The following SBF2 variants were observed in gnomAD, a reference collection of about 807,000 sequenced individuals.
The protein encoded by SBF2 is myotubularin-related protein 13.
A neutral mutation model predicts 225.2 loss-of-function variants in SBF2; 112 were observed. The ratio of observed to expected loss-of-function variants is 0.50; its 90% confidence interval spans 0.43 to 0.58. The LOEUF is 0.58. Among genes scored for constraint, SBF2 ranks in the 20% least tolerant of loss-of-function variants. The pLI, the probability that SBF2 is intolerant of heterozygous loss-of-function variation, is 0.00. For missense variants in SBF2, 1,996 were observed against 2,206.2 expected (o/e 0.90, Z 1.91); for synonymous variants, 763 against 773.3 (o/e 0.99, Z 0.22).
chr11:10,181,209 G>A (rs1956722460), intron 2 of SBF2, among the ~76,000 whole-genome samples: 1 of 151,974 alleles, frequency 6.6e-6, no homozygotes, highest in Non-Finnish European at 1.5e-5. Flanking sequence ...ACTACTAGCA[G>A]AATAGTTTTA....
chr11:10,182,595 C>A (rs1956778279), intron 2 of SBF2, among the ~76,000 whole-genome samples: 1 of 151,960 alleles, frequency 6.6e-6, no homozygotes, highest in African/African-American at 2.4e-5. Flanking sequence ...ACTCTGTCAC[C>A]CAGGCTGGAA....
At chr11:10,237,676 C>T (rs181703979) in intron 1 of SBF2, among the ~76,000 whole-genome samples, 3 of 152,332 alleles carry the variant, frequency 2.0e-5, no homozygotes, top group Admixed American at 1.3e-4. Flanking sequence ...TGTATATACA[C>T]TGGTGAAACC....
rs1236982889 is a variant in SBF2, at chr11:10,002,594, T to C, written c.715A>G (p.Arg239Gly). The change falls in exon 7 of 40, where the codon AGA becomes GGA. Residue 239 changes from arginine (R) to glycine (G), a missense_variant. Arg to Gly is a moderately radical substitution (Grantham distance 125). Transcript: ENST00000256190. ...GGAAACATTAAAGATTCCAGGGCTC[T>C]ACAAGCATCACTAAGTCTCTGGAAA... ...ASFQRLSDAC[R>G]ALESLMFPLK... 2 of 1,613,016 alleles carry C rather than the reference T, an allele frequency of 1.2e-6. No homozygotes were observed. Among genetic ancestry groups the C allele is most frequent in the South Asian group, 1.1e-5 (1 of 91,066 alleles).
chr11:10,027,509 A>AT (rs1339036217), intron 6 of SBF2, among the ~76,000 whole-genome samples: 1 of 152,156 alleles, frequency 6.6e-6, no homozygotes. Context: ...TGTGCAAGAA[A>AT]TTAAGAATTC....
intron 2 of SBF2, among the ~76,000 whole-genome samples, chr11:10,057,632 T>C (rs1371646540): frequency 6.6e-6 from 1 of 152,168 alleles, no homozygotes; most frequent in Non-Finnish European, 1.5e-5. Context: ...CTAAGATTTC[T>C]TCCTCTGCTG....
intron 2 of SBF2, among the ~76,000 whole-genome samples, chr11:10,115,697 A>G (rs1953105836): frequency 6.6e-6 from 1 of 152,206 alleles, no homozygotes; most frequent in South Asian, 2.1e-4. Flanking sequence ...GAGACACATA[A>G]TGCTATAGGC....
At chr11:10,219,075 T>G (rs890067593) in intron 1 of SBF2, among the ~76,000 whole-genome samples, 1 of 152,212 alleles carries the variant, frequency 6.6e-6, no homozygotes, top group Non-Finnish European at 1.5e-5. Flanking sequence ...GTGGGGACTC[T>G]GTGTGGCGGC....
chr11:10,272,655 C>A (rs1425357373), intron 1 of SBF2, among the ~76,000 whole-genome samples: 1 of 151,878 alleles, frequency 6.6e-6, no homozygotes, highest in Non-Finnish European at 1.5e-5. Context: ...GCCTGTAGTC[C>A]CAGCTACTTG....
chr11:10,020,188 T>G (rs1342739358), intron 6 of SBF2, among the ~76,000 whole-genome samples: 2 of 152,220 alleles, frequency 1.3e-5, no homozygotes, highest in South Asian at 2.1e-4. Flanking sequence ...GGCAGCTTCC[T>G]GATAAGAGCT....
At chr11:10,120,433 A>G (rs953603025) in intron 2 of SBF2, among the ~76,000 whole-genome samples, 1 of 152,194 alleles carries the variant, frequency 6.6e-6, no homozygotes, top group African/African-American at 2.4e-5. Flanking sequence ...TTCTTCTGGA[A>G]GTACACCCAA....
Position 9,812,509 on chromosome 11 carries a change from AAAG to A in SBF2, c.4155+20_4155+22del. ...GCCTCTGTTTCTTTGAGTTATAAAG[AAAG>A]AAGCTGCTTCAGACATTACCTGTGG... On this transcript the variant is annotated intron_variant, in intron 30 of 39. Transcript: ENST00000256190. 6.2e-7 allele frequency: 1 copy of A among 1,613,888 alleles called. No homozygotes were observed. The highest frequency in any genetic ancestry group is 8.5e-7 in the Non-Finnish European group (1 of 1,179,812).
intron 29 of SBF2, among the ~76,000 whole-genome samples, chr11:9,816,167 A>G (rs1179309871): frequency 6.6e-6 from 1 of 152,208 alleles, no homozygotes; most frequent in African/African-American, 2.4e-5. Flanking sequence ...CATTAAATTC[A>G]AGGAATTGTT....
intron 2 of SBF2, among the ~76,000 whole-genome samples, chr11:10,177,593 T>C (rs1036015647): frequency 2.6e-4 from 39 of 149,346 alleles, no homozygotes; most frequent in African/African-American, 9.6e-4. Context: ...CCATTCACAA[T>C]TGCTTCAAAG....
intron 2 of SBF2, among the ~76,000 whole-genome samples, chr11:10,144,718 C>T (rs1046869839): frequency 1.3e-5 from 2 of 152,186 alleles, no homozygotes; most frequent in Non-Finnish European, 2.9e-5. Context: ...TCATTTTCTA[C>T]ATGTTCTTCT....
chr11:9,940,114 T>C (rs981456108), intron 16 of SBF2, among the ~76,000 whole-genome samples: 1 of 151,980 alleles, frequency 6.6e-6, no homozygotes, highest in Non-Finnish European at 1.5e-5. Flanking sequence ...AAGTACACAC[T>C]ATGCTAAGGC....
rs1327300575 is a variant in SBF2, at chr11:10,261,259, G to A, written c.55+32756C>T. On this transcript the variant is annotated intron_variant, in intron 1 of 39. Transcript: ENST00000256190. The stretch of plus-strand genomic sequence containing the variant: ...ACTCTGTCACCCAGGCTGGAGTGCA[G>A]TGGTACCATCTTTGCTCACTGCAAC... 2.6e-5 allele frequency among the ~76,000 whole-genome samples: 4 copies of A among 152,186 alleles called. No homozygotes were observed. In the East Asian group the frequency reaches 7.7e-4, roughly 29 times the overall value.
chr11:9,906,619 A>T (rs1343674715), intron 16 of SBF2, among the ~76,000 whole-genome samples: 1 of 152,202 alleles, frequency 6.6e-6, no homozygotes, highest in Non-Finnish European at 1.5e-5. Flanking sequence ...GAGGGAAAAA[A>T]TTTACAACAA....
chr11:9,893,587 TAA>T (rs1381986917), intron 17 of SBF2, among the ~76,000 whole-genome samples: 2 of 152,198 alleles, frequency 1.3e-5, no homozygotes, highest in Non-Finnish European at 2.9e-5. Flanking sequence ...GTGCTATCTA[TAA>T]AGTTTCAGTG....
chr11:9,930,652 C>G (rs1453851028), intron 16 of SBF2, among the ~76,000 whole-genome samples: 1 of 152,198 alleles, frequency 6.6e-6, no homozygotes, highest in African/African-American at 2.4e-5. Context: ...TGAACAGGAA[C>G]AGCTCTGGTC....
Sources: allele counts gnomAD v4.1 joint callset (sites outside exome capture counted in the v4.1 genomes callset), GRCh38; gene constraint gnomAD v4.1.1; transcripts MANE v1.5; gene names NCBI Gene and HGNC (gene_info 2026-07-23, HGNC 2026-07-21).